NAALADL2: variants seen among roughly 807,000 people sequenced by gnomAD.
The protein encoded by NAALADL2 is N-acetylated alpha-linked acidic dipeptidase like 2, also known as inactive N-acetylated-alpha-linked acidic dipeptidase-like protein 2.
NAALADL2 carries 76 observed loss-of-function variants against 87.2 expected under a neutral mutation model. The observed-to-expected ratio is 0.87, with a 90% confidence interval of 0.72 to 1.05. The LOEUF (loss-of-function observed/expected upper bound fraction) is 1.05. NAALADL2 is among the 50% of genes least tolerant of loss of function. The pLI is 0.00. For missense variants in NAALADL2, 1,089 were observed against 945.8 expected (o/e 1.15, Z -1.99); for synonymous variants, 354 against 331.0 (o/e 1.07, Z -0.75).
chr3:174,682,349 A>G lies in NAALADL2; in HGVS notation c.-114-55292A>G, dbSNP rs74475356. Reference sequence around the variant, plus strand: ...GAAATTCGACACAATGAAGGGAAGGACACAAGCCTGTCTGGCTTTGCCATC... The same window carrying G: ...GAAATTCGACACAATGAAGGGAAGGGCACAAGCCTGTCTGGCTTTGCCATC... On this transcript the variant is annotated intron_variant, in intron 2 of 3. Transcript: ENST00000434257. Among the ~76,000 whole-genome samples, 287 of 152,278 alleles carry G rather than the reference A, an allele frequency of 1.9e-3. 3 individuals carry two copies. Among genetic ancestry groups the G allele is most frequent in the African/African-American group, 6.5e-3 (270 of 41,572 alleles).
intron 2 of NAALADL2, among the ~76,000 whole-genome samples, chr3:174,639,226 TG>T (rs1463425811): frequency 6.6e-6 from 1 of 152,248 alleles, no homozygotes; most frequent in Non-Finnish European, 1.5e-5. Flanking sequence ...TGTGGTATCA[TG>T]GTATACATTA....
intron 5 of NAALADL2, among the ~76,000 whole-genome samples, chr3:175,385,174 C>T (rs905240365): frequency 6.6e-6 from 1 of 151,980 alleles, no homozygotes; most frequent in Non-Finnish European, 1.5e-5. Flanking sequence ...TAAATGAAGG[C>T]CCAATGCATC....
intron 1 of NAALADL2, among the ~76,000 whole-genome samples, chr3:174,975,173 A>G (rs1290566468): frequency 3.3e-5 from 5 of 152,160 alleles, no homozygotes; most frequent in African/African-American, 7.2e-5. Flanking sequence ...TCCTGTTCCC[A>G]CTGTCTTCCC....
At chr3:175,389,134 T>C (rs1395117243) in intron 5 of NAALADL2, among the ~76,000 whole-genome samples, 1 of 152,210 alleles carries the variant, frequency 6.6e-6, no homozygotes, top group East Asian at 1.9e-4. Flanking sequence ...GTAAGCAACA[T>C]TTTAAGCATG....
chr3:175,489,751 A>G (rs9816719), intron 9 of NAALADL2, among the ~76,000 whole-genome samples: 122,712 of 152,118 alleles, frequency 0.81, 49,634 homozygotes, highest in East Asian at 0.97. Context: ...GATGGGATAC[A>G]CAGTCTTCTA....
intron 2 of NAALADL2, among the ~76,000 whole-genome samples, chr3:175,106,650 C>T (rs558013271): frequency 3.9e-5 from 6 of 152,104 alleles, no homozygotes; most frequent in Middle Eastern, 3.4e-3. Context: ...CAGTAGAGTG[C>T]GGTGTAAGTT....
intron 3 of NAALADL2, among the ~76,000 whole-genome samples, chr3:174,748,161 TG>T (rs1323163152): frequency 1.3e-5 from 2 of 151,538 alleles, no homozygotes; most frequent in African/African-American, 4.9e-5. Flanking sequence ...GGGTCTGTCA[TG>T]GGGGTGGAGG....
intron 9 of NAALADL2, among the ~76,000 whole-genome samples, chr3:175,570,108 G>A (rs138400181): frequency 2.2e-4 from 33 of 152,230 alleles, no homozygotes; most frequent in African/African-American, 7.9e-4. Context: ...AAAGCCAACA[G>A]GCTTGAGACT....
intron 2 of NAALADL2, among the ~76,000 whole-genome samples, chr3:175,133,691 T>C (rs7634633): frequency 0.57 from 85,929 of 152,016 alleles, 25,011 homozygotes; most frequent in African/African-American, 0.7. Flanking sequence ...AGCTTCGGCT[T>C]GGCATCAGAG....
At chr3:175,004,503 A>C (rs562514359) in intron 1 of NAALADL2, among the ~76,000 whole-genome samples, 81 of 151,488 alleles carry the variant, frequency 5.3e-4, no homozygotes, top group African/African-American at 2.0e-3. Context: ...TGGGGATGCT[A>C]CTGTGCTAGT....
At chr3:175,156,374 G>A (rs1319987108) in intron 2 of NAALADL2, among the ~76,000 whole-genome samples, 1 of 149,560 alleles carries the variant, frequency 6.7e-6, no homozygotes, top group Non-Finnish European at 1.5e-5. Context: ...TCGCATGAGT[G>A]AAGTTCATTA....
At chr3:174,944,058 C>A (rs546991968) in intron 1 of NAALADL2, among the ~76,000 whole-genome samples, 1 of 152,082 alleles carries the variant, frequency 6.6e-6, no homozygotes, top group Non-Finnish European at 1.5e-5. Flanking sequence ...AGGGCTGCTG[C>A]GGTATGCTAG....
At chr3:174,654,209 T>A (rs1333623196) in intron 2 of NAALADL2, among the ~76,000 whole-genome samples, 1 of 152,138 alleles carries the variant, frequency 6.6e-6, no homozygotes, top group East Asian at 1.9e-4. Context: ...TGCTATGCTT[T>A]TGATAAATCA....
intron 9 of NAALADL2, among the ~76,000 whole-genome samples, chr3:175,511,050 C>G (rs1731082646): frequency 6.6e-6 from 1 of 152,046 alleles, no homozygotes; most frequent in African/African-American, 2.4e-5. Flanking sequence ...ATTTAAGAGG[C>G]TAAATTCATA....
intron 2 of NAALADL2, among the ~76,000 whole-genome samples, chr3:175,227,926 A>G (rs1393293442): frequency 6.6e-6 from 1 of 151,998 alleles, no homozygotes; most frequent in Non-Finnish European, 1.5e-5. Flanking sequence ...TCAGAATTTA[A>G]AAGTAATCTT....
At chr3:175,426,368 A>C (rs1440216433) in intron 5 of NAALADL2, among the ~76,000 whole-genome samples, 1 of 152,176 alleles carries the variant, frequency 6.6e-6, no homozygotes. Flanking sequence ...ATCTCAAAAC[A>C]AAACAAAGCA....
intron 1 of NAALADL2, among the ~76,000 whole-genome samples, chr3:174,550,251 T>C (rs943731780): frequency 1.3e-5 from 2 of 152,060 alleles, no homozygotes; most frequent in Middle Eastern, 3.4e-3. Flanking sequence ...AAAGGTTTCC[T>C]AGTGACAAAT....
At chr3:175,751,510 G>A (rs74838811) in intron 12 of NAALADL2, among the ~76,000 whole-genome samples, 2,197 of 152,048 alleles carry the variant, frequency 0.014, 64 homozygotes, top group African/African-American at 0.051. Context: ...ACAAACTTGC[G>A]TAAATAGTGA....
intron 1 of NAALADL2, among the ~76,000 whole-genome samples, chr3:174,472,966 T>C (rs1716995980): frequency 6.6e-6 from 1 of 152,196 alleles, no homozygotes; most frequent in African/African-American, 2.4e-5. Context: ...TATCCTATAA[T>C]TTTCTATATA....
Sources: allele counts gnomAD v4.1 joint callset (sites outside exome capture counted in the v4.1 genomes callset), GRCh38; gene constraint gnomAD v4.1.1; transcripts MANE v1.5; gene names NCBI Gene and HGNC (gene_info 2026-07-23, HGNC 2026-07-21).